Variants in WDR12 observed in about 807,000 individuals in gnomAD.
WDR12 encodes the protein WD repeat domain 12, also known as ribosome biogenesis protein WDR12.
In WDR12, 42 loss-of-function variants were observed where a neutral mutation model predicts 64.3. The ratio of observed to expected loss-of-function variants is 0.65; its 90% confidence interval spans 0.51 to 0.84. The LOEUF is 0.84. WDR12 is among the 40% of genes least tolerant of loss of function. The pLI, the probability that WDR12 is intolerant of heterozygous loss-of-function variation, is 0.00. For missense variants in WDR12, 469 were observed against 494.6 expected, an observed-to-expected ratio of 0.95 and a Z score of 0.49; for synonymous variants, 158 against 173.3, an observed-to-expected ratio of 0.91 and a Z score of 0.70.
At chr2:202,891,344 A>G (rs1430759385) in intron 8 of WDR12, among the ~76,000 whole-genome samples, 1 of 152,082 alleles carries the variant, frequency 6.6e-6, no homozygotes, top group Non-Finnish European at 1.5e-5. Flanking sequence ...GAGACAGGGT[A>G]TCACCATGTT....
intron 8 of WDR12, among the ~76,000 whole-genome samples, chr2:202,886,855 C>A (rs902935075): frequency 7.3e-5 from 11 of 151,626 alleles, no homozygotes; most frequent in African/African-American, 2.7e-4. Context: ...ATTTAACTTC[C>A]TTAAATATTG....
chr2:202,896,325 A>C, intron 5 of WDR12, 106 bp from the exon 6 acceptor site: 1 of 1,279,394 alleles, frequency 7.8e-7, no homozygotes, highest in Non-Finnish European at 1.0e-6. Context: ...ATTGAAAAAG[A>C]TGTTAAAAAG....
At chr2:202,894,208 T>C (rs1342674400) in intron 7 of WDR12, among the ~76,000 whole-genome samples, 2 of 139,782 alleles carry the variant, frequency 1.4e-5, no homozygotes, top group African/African-American at 5.1e-5. Context: ...AAAGTCCCCT[T>C]TCACTAAACT....
At chr2:202,888,313 T>G (rs949370910) in intron 8 of WDR12, among the ~76,000 whole-genome samples, 1 of 152,160 alleles carries the variant, frequency 6.6e-6, no homozygotes, top group African/African-American at 2.4e-5. Flanking sequence ...GGGAGGAAAG[T>G]TGACAAGAAG....
In WDR12 at chr2:202,884,316, A is replaced by G. The variant is rs1326785333; in HGVS notation, c.883-13T>C. On this transcript the variant is annotated splice_polypyrimidine_tract_variant and intron_variant, in intron 9 of 12. Transcript: ENST00000261015. ...CTTTATTTCCTGTCTGAAAAAGAAA[A>G]GGAAAGAACATTAACCATGGTAGAC... The G allele has an allele frequency of 6.2e-7, 1 of 1,613,770 alleles. No individual in the cohort carries two copies. Among genetic ancestry groups the G allele is most frequent in the Non-Finnish European group, 8.5e-7 (1 of 1,179,950 alleles).
chr2:202,883,041 A>T (rs1352420695), intron 11 of WDR12, among the ~76,000 whole-genome samples: 1 of 152,150 alleles, frequency 6.6e-6, no homozygotes, highest in Non-Finnish European at 1.5e-5. Flanking sequence ...AATTAGGCCC[A>T]TTTTCACACT....
intron 1 of WDR12, 70 bp from the exon 2 acceptor site, chr2:202,908,029 A>C: frequency 7.9e-6 from 11 of 1,383,952 alleles, no homozygotes; most frequent in Non-Finnish European, 1.1e-5. Flanking sequence ...TTACGAATTC[A>C]ACATACATTT....
rs377488634 is a variant in WDR12, at chr2:202,894,117, GA to G, written c.655+463del. 2.1e-3 allele frequency among the ~76,000 whole-genome samples: 306 copies of G among 148,546 alleles called. 1 individual carries two copies. Among genetic ancestry groups the G allele is most frequent in the Non-Finnish European group, 2.3e-3 (155 of 67,002 alleles). ...TGTAAGTAAGGGGGTGGTGGGGTAG[GA>G]AAAAAAAAATCTTGAAACACAAAGA... On this transcript the variant is annotated intron_variant, in intron 7 of 12. Transcript: ENST00000261015.
intron 3 of WDR12, among the ~76,000 whole-genome samples, chr2:202,900,020 G>A (rs568436797): frequency 6.6e-6 from 1 of 151,974 alleles, no homozygotes; most frequent in Admixed American, 6.6e-5. Context: ...GCTGCAAATG[G>A]GGGGGAAAGG....
chr2:202,893,959 T>G (rs1412067024), intron 7 of WDR12, among the ~76,000 whole-genome samples: 1 of 152,174 alleles, frequency 6.6e-6, no homozygotes, highest in African/African-American at 2.4e-5. Context: ...TTACATTACT[T>G]AAGTCAAAAT....
rs753323598 is a variant in WDR12, at chr2:202,897,346, A to T, written c.408T>A (p.Ile136=). ...WSLEGKSIMT[I]VGHTDVVKDV... The stretch of plus-strand genomic sequence containing the variant: ...CTTTTACAACATCCGTATGTCCCAC[A>T]ATTGTCATTATTGACTTTCCTTCCA... The change falls in exon 5 of 13, where the codon ATT becomes ATA. Residue 136 remains isoleucine, a synonymous_variant. Transcript: ENST00000261015. The T allele has an allele frequency of 8.8e-6, 14 of 1,598,970 alleles. No homozygotes were observed. The highest frequency in any genetic ancestry group is 1.7e-5 in the Admixed American group (1 of 57,488).
chr2:202,896,302 T>G, intron 5 of WDR12, 83 bp from the exon 6 acceptor site: 1 of 1,413,336 alleles, frequency 7.1e-7, no homozygotes. Context: ...AAGAACTAAA[T>G]TTTTTTGTTG....
In WDR12 at chr2:202,882,757, G is replaced by C. The variant is rs1177420114; in HGVS notation, c.1148C>G (p.Ala383Gly). The C allele has an allele frequency of 6.2e-7, 1 of 1,613,906 alleles. No individual in the cohort carries two copies. The highest frequency in any genetic ancestry group is 1.3e-5 in the African/African-American group (1 of 74,912). ...ACTCAGAACTTTGTCTTCATGAGCA[G>C]CCAGATCATAGAGAGGAGCCTTACA... ...RSCKAPLYDL[A>G]AHEDKVLSVD... is the part of the protein sequence containing the mutation. The change falls in exon 12 of 13, where the codon GCT (alanine) becomes GGT (glycine). Residue 383 changes from alanine (A) to glycine (G), a missense_variant. By Grantham distance (60) the Ala-to-Gly change is moderately conservative. Coordinates refer to ENST00000261015, the MANE Select transcript of WDR12 (RefSeq NM_018256.4).
At position 202,876,324 on chromosome 2, in the gene WDR12, G is replaced by A. The variant is rs560241704; in HGVS notation, c.*4536C>T. The A allele has an allele frequency of 7.6e-4, 115 of 152,306 alleles. No homozygotes were observed. Among genetic ancestry groups the A allele is most frequent in the African/African-American group, 2.5e-3 (104 of 41,564 alleles). The allele number at this position is 152,306 out of a possible 1,614,324, so 9.4% of individuals were successfully genotyped here. ...GGAGGATCCCTTGAACCCAGGAGTT[G>A]AGCCTGGATGGCAGAGCTAGACTAT... On this transcript the variant is annotated 3_prime_UTR_variant, in exon 13 of 13. Transcript: ENST00000261015.
At chr2:202,896,918 T>C (rs899759735) in intron 5 of WDR12, among the ~76,000 whole-genome samples, 3 of 151,954 alleles carry the variant, frequency 2.0e-5, no homozygotes, top group Non-Finnish European at 4.4e-5. Flanking sequence ...ACCTGGGAAG[T>C]GGATGTTGCA....
intron 3 of WDR12, among the ~76,000 whole-genome samples, chr2:202,900,732 C>T (rs1158383455): frequency 1.3e-5 from 2 of 151,968 alleles, no homozygotes; most frequent in Non-Finnish European, 2.9e-5. Context: ...CCAGTTCTTC[C>T]ACAAATATAA....
chr2:202,887,713 C>G (rs1688072920), intron 8 of WDR12, among the ~76,000 whole-genome samples: 1 of 150,538 alleles, frequency 6.6e-6, no homozygotes, highest in African/African-American at 2.4e-5. Flanking sequence ...AAGGTGAAAC[C>G]CCGTCTCTAC....
chr2:202,895,496 G>A (rs1161385022), intron 6 of WDR12, among the ~76,000 whole-genome samples: 2 of 150,910 alleles, frequency 1.3e-5, no homozygotes, highest in Non-Finnish European at 3.0e-5. Context: ...TAAATGAATG[G>A]CTTGTTTACT....
At chr2:202,882,108 T>C (rs1302426827) in intron 12 of WDR12, among the ~76,000 whole-genome samples, 1 of 151,872 alleles carries the variant, frequency 6.6e-6, no homozygotes, top group Admixed American at 6.6e-5. Context: ...TTTTTTAATT[T>C]TTGTAGAGAC....
Sources: allele counts gnomAD v4.1 joint callset (sites outside exome capture counted in the v4.1 genomes callset), GRCh38; gene constraint gnomAD v4.1.1; transcripts MANE v1.5; gene names NCBI Gene and HGNC (gene_info 2026-07-23, HGNC 2026-07-21).